Variants in UNC80 observed in about 807,000 individuals in gnomAD.
The protein encoded by UNC80 is protein unc-80 homolog.
In UNC80, 164 loss-of-function variants were observed where a neutral mutation model predicts 384.6. The observed-to-expected ratio is 0.43, with a 90% CI of 0.38 to 0.49. The LOEUF is 0.49. Ranked by LOEUF, UNC80 falls within the 20% of genes least tolerant of loss-of-function variation. UNC80 has a pLI of 0.00. For synonymous variants in UNC80, 1,486 were observed against 1,527.8 expected (o/e 0.97, Z 0.64); for missense variants, 3,330 against 4,143.0 (o/e 0.80, Z 5.39).
chr2:209,784,988 C>T (rs1476952034), intron 4 of UNC80, among the ~76,000 whole-genome samples: 2 of 151,878 alleles, frequency 1.3e-5, no homozygotes, highest in Non-Finnish European at 2.9e-5. Flanking sequence ...TCTATTTTTC[C>T]AGTTGCTTCT....
intron 63 of UNC80, 118 bp from the exon 64 acceptor site, chr2:209,993,947 C>A: frequency 2.3e-6 from 2 of 866,790 alleles, no homozygotes; most frequent in South Asian, 2.1e-5. Context: ...ATTAATAAAC[C>A]AGCAATGTTT....
Position 209,820,622 on chromosome 2 carries a change from A to T in UNC80, c.2274A>T (p.Gly758=). ...GAGGAGGTGGAGGAGGTGATGGAGG[A>T]GGAGGTGGAGGAGGTGGAGGCGGCC... ...GDGGGGGGDG[G]GGGGGGGGPY... The change falls in exon 13 of 65, where the codon GGA becomes GGT. Residue 758 remains glycine (G), a synonymous_variant. Coordinates refer to ENST00000673920, the MANE Select transcript of UNC80 (RefSeq NM_001371986.1). 1.9e-6 allele frequency: 3 copies of T among 1,549,274 alleles called. No individual in the cohort carries two copies. The highest frequency in any genetic ancestry group is 1.7e-4 in the Middle Eastern group (1 of 5,954).
At chr2:209,899,150 T>C (rs1246473778) in intron 28 of UNC80, among the ~76,000 whole-genome samples, 1 of 152,214 alleles carries the variant, frequency 6.6e-6, no homozygotes, top group Non-Finnish European at 1.5e-5. Context: ...TTCTTTACTC[T>C]TCTTGGTCCT....
intron 6 of UNC80, among the ~76,000 whole-genome samples, chr2:209,790,166 T>C (rs916564113): frequency 1.1e-4 from 16 of 152,188 alleles, no homozygotes; most frequent in Non-Finnish European, 2.1e-4. Context: ...AAATTTGTCA[T>C]GTTTGATCAA....
At chr2:209,810,981 T>C (rs1438603137) in intron 7 of UNC80, among the ~76,000 whole-genome samples, 1 of 152,050 alleles carries the variant, frequency 6.6e-6, no homozygotes, top group African/African-American at 2.4e-5. Flanking sequence ...GAGGTATAAA[T>C]GATAGGCTGA....
At chr2:209,919,992 A>G (rs2089905095) in intron 33 of UNC80, among the ~76,000 whole-genome samples, 2 of 152,152 alleles carry the variant, frequency 1.3e-5, no homozygotes, top group South Asian at 4.1e-4. Context: ...TCTGGCTCTG[A>G]AAATGGATTG....
chr2:209,936,675 TAC>T (rs1013809790), intron 40 of UNC80, among the ~76,000 whole-genome samples, 167 bp from the exon 41 acceptor site: 1 of 151,222 alleles, frequency 6.6e-6, no homozygotes, highest in Non-Finnish European at 1.5e-5. Context: ...TATACACATA[TAC>T]ACACACACAT....
intron 60 of UNC80, among the ~76,000 whole-genome samples, chr2:209,983,485 T>A (rs539582301): frequency 6.6e-6 from 1 of 152,242 alleles, no homozygotes; most frequent in Non-Finnish European, 1.5e-5. Flanking sequence ...GAAAAGAAAG[T>A]CTTATACACA....
At chr2:209,782,065 A>G (rs1418027606) in intron 4 of UNC80, among the ~76,000 whole-genome samples, 6 of 152,180 alleles carry the variant, frequency 3.9e-5, no homozygotes, top group Non-Finnish European at 7.3e-5. Context: ...AGCTTGTATC[A>G]TATCTTACAT....
intron 33 of UNC80, among the ~76,000 whole-genome samples, 169 bp from the exon 34 acceptor site, chr2:209,921,331 A>T (rs1243409752): frequency 6.6e-6 from 1 of 152,214 alleles, no homozygotes; most frequent in African/African-American, 2.4e-5. Context: ...AACCATACAC[A>T]GCTTGGAAAT....
In UNC80 at chr2:209,997,700, T is replaced by C. The variant is rs1181406437; in HGVS notation, c.*2105T>C. ...GCAACTTTCAATAAGCTAAGCAATG[T>C]TGTAACTTGCAAAAAAGCCTCCACT... On this transcript the variant is annotated 3_prime_UTR_variant, in exon 65 of 65. Coordinates refer to ENST00000673920, the MANE Select transcript of UNC80 (RefSeq NM_001371986.1). 6.6e-6 allele frequency: 1 copy of C among 152,180 alleles called. No individual in the cohort carries two copies. The highest frequency in any genetic ancestry group is 2.4e-5 in the African/African-American group (1 of 41,444). The allele number at this position is 152,180 out of a possible 1,614,324, so 9.4% of individuals were successfully genotyped here. A position where few individuals can be genotyped will look rare whatever the true frequency, so the allele number is the denominator to read the frequency against.
At position 209,945,947 on chromosome 2, in the gene UNC80, T is replaced by C. The variant is rs1326870663; in HGVS notation, c.7286+4T>C. On this transcript the variant is annotated splice_donor_region_variant and intron_variant, in intron 47 of 64. Transcript: ENST00000673920. ...ATGCTCCCGAATCATTCAGAAGGTA[T>C]CTGCAGCCCTTTATTCTGTGCCTTG... 2 of 1,544,646 alleles carry C rather than the reference T, an allele frequency of 1.3e-6. No homozygotes were observed. Among genetic ancestry groups the C allele is most frequent in the East Asian group, 2.4e-5 (1 of 40,884 alleles).
chr2:209,881,098 A>G lies in UNC80; in HGVS notation c.4110+4A>G. On this transcript the variant is annotated splice_donor_region_variant and intron_variant, in intron 25 of 64. Transcript: ENST00000673920. ...ACCTCGCACTGAGCCTCTGGTGGTA[A>G]GTTAAAGCATGCAAGTTAATAATCA... 1 of 1,551,578 alleles carries G rather than the reference A, an allele frequency of 6.4e-7. No individual in the cohort carries two copies. Among genetic ancestry groups the G allele is most frequent in the Non-Finnish European group, 8.7e-7 (1 of 1,146,946 alleles).
At chr2:209,899,891 A>G (rs1325584421) in intron 28 of UNC80, among the ~76,000 whole-genome samples, 2 of 152,162 alleles carry the variant, frequency 1.3e-5, no homozygotes, top group East Asian at 3.8e-4. Context: ...TTTGGACCTC[A>G]TTTCTCTACA....
chr2:209,895,803 T>G (rs1029712704), intron 27 of UNC80, among the ~76,000 whole-genome samples: 3 of 152,236 alleles, frequency 2.0e-5, no homozygotes, highest in Non-Finnish European at 4.4e-5. Context: ...TGGACATAAT[T>G]GCTTCCAAAT....
At position 209,977,096 on chromosome 2, in the gene UNC80, T is replaced by A. The variant is rs1331914886; in HGVS notation, c.8938+18T>A. ...TGGATCAGGTGAGTGTGCATGAGAG[T>A]GTTGTGAATTTGTTTGACTAATGGA... On this transcript the variant is annotated intron_variant, in intron 58 of 64. Coordinates refer to ENST00000673920, the MANE Select transcript of UNC80 (RefSeq NM_001371986.1). 7 of 1,467,640 alleles carry A rather than the reference T, an allele frequency of 4.8e-6. No homozygotes were observed. Among genetic ancestry groups the A allele is most frequent in the Non-Finnish European group, 3.7e-6 (4 of 1,086,798 alleles). 90.9% of individuals were successfully genotyped at this position (1,467,640 alleles called of 1,614,324 possible).
At chr2:209,931,133 T>C in intron 38 of UNC80, 79 bp downstream of exon 38, 1 of 1,119,898 alleles carries the variant, frequency 8.9e-7, no homozygotes, top group South Asian at 1.5e-5. Context: ...TCAATAAATT[T>C]CCATTAATTA....
intron 22 of UNC80, among the ~76,000 whole-genome samples, chr2:209,849,936 G>A (rs961195435): frequency 1.3e-5 from 2 of 151,842 alleles, no homozygotes; most frequent in South Asian, 2.1e-4. Flanking sequence ...CTTCCTCCTC[G>A]GGCTAGTGCG....
intron 5 of UNC80, among the ~76,000 whole-genome samples, chr2:209,788,549 A>G (rs1366576796): frequency 6.8e-6 from 1 of 147,986 alleles, no homozygotes; most frequent in Non-Finnish European, 1.5e-5. Flanking sequence ...ATATAATAAT[A>G]TATACTATAA....
Sources: gnomAD v4.1 joint callset for allele counts (sites outside exome capture counted in the v4.1 genomes callset) on GRCh38, gnomAD v4.1.1 for gene constraint, MANE v1.5 for transcripts, NCBI Gene and HGNC (gene_info 2026-07-23, HGNC 2026-07-21) for gene names.